The following RASGRF1 variants were observed in gnomAD, a reference collection of about 807,000 sequenced individuals.
The protein encoded by RASGRF1 is Ras protein specific guanine nucleotide releasing factor 1.
Under a neutral mutation model 138.7 loss-of-function variants are expected in RASGRF1, and 40 were observed. The ratio of observed to expected loss-of-function variants is 0.29; its 90% CI spans 0.22 to 0.38. The LOEUF (loss-of-function observed/expected upper bound fraction) is 0.38, where lower values mean the gene tolerates loss of function less well. Ranked by LOEUF, RASGRF1 falls within the 10% of genes least tolerant of loss-of-function variation. The probability of loss-of-function intolerance (pLI) is 1.00; values close to 1 mark genes in which losing one functional copy is unlikely to be tolerated. For missense variants in RASGRF1, 1,108 were observed against 1,650.4 expected, an observed-to-expected ratio of 0.67 and a Z score of 5.69; for synonymous variants, 614 against 663.2, an observed-to-expected ratio of 0.93 and a Z score of 1.14.
intron 24 of RASGRF1, chr15:78,978,845 A>G (rs376641838): frequency 4.2e-6 from 5 of 1,186,022 alleles, no homozygotes; most frequent in Non-Finnish European, 4.3e-6. Flanking sequence ...CCTGGTTTGC[A>G]TAAAGCTCTT....
chr15:78,990,005 T>C (rs558859293), intron 22 of RASGRF1, 184 bp downstream of exon 22: 360 of 619,838 alleles, frequency 5.8e-4, no homozygotes, highest in Non-Finnish European at 8.9e-4. Context: ...CCCCACTTAA[T>C]AGGAGAAGAG....
At chr15:79,042,683 T>C (rs1343243025) in intron 5 of RASGRF1, among the ~76,000 whole-genome samples, 9 of 152,228 alleles carry the variant, frequency 5.9e-5, no homozygotes, top group Admixed American at 5.9e-4. Flanking sequence ...CTCTGTGTGC[T>C]ATTGAGCATT....
chr15:78,987,252 T>C (rs569184738), intron 22 of RASGRF1, among the ~76,000 whole-genome samples: 1 of 152,272 alleles, frequency 6.6e-6, no homozygotes, highest in African/African-American at 2.4e-5. Flanking sequence ...ACCATCTCTA[T>C]GGATGCAGAA....
At position 78,973,160 on chromosome 15, in the gene RASGRF1, T is replaced by C. The variant is rs2055803647; in HGVS notation, c.3612+143A>G. The C allele has an allele frequency of 1.2e-5, 8 of 656,254 alleles. No homozygotes were observed. Among genetic ancestry groups the C allele is most frequent in the East Asian group, 2.6e-5 (1 of 37,788 alleles). 40.7% of individuals were successfully genotyped at this position (656,254 alleles called of 1,614,324 possible). ...TCATCAATGATAGTGATGGCTGTCA[T>C]TGGGGAAGCTGGACCCAGGCTCCCA... On this transcript the variant is annotated intron_variant, in intron 25 of 26. Coordinates refer to ENST00000558480, the MANE Select transcript of RASGRF1 (RefSeq NM_001145648.3). The surrounding 1 kb of genome is among the most constrained non-coding windows in gnomAD (Gnocchi z 4.9).
intron 13 of RASGRF1, among the ~76,000 whole-genome samples, chr15:79,007,545 GT>G (rs5813951): frequency 0.28 from 30,104 of 108,350 alleles, 3,921 homozygotes; most frequent in African/African-American, 0.4. Flanking sequence ...GCCGTATCTA[GT>G]TTTTTTTTTT....
intron 12 of RASGRF1, among the ~76,000 whole-genome samples, chr15:79,015,658 G>C (rs2056868306): frequency 6.6e-6 from 1 of 152,246 alleles, no homozygotes; most frequent in South Asian, 2.1e-4. Flanking sequence ...TATATGCAAA[G>C]TGGGGATAAT....
intron 3 of RASGRF1, among the ~76,000 whole-genome samples, chr15:79,053,439 C>T (rs1445355898): frequency 6.6e-6 from 1 of 152,180 alleles, no homozygotes; most frequent in Non-Finnish European, 1.5e-5. Flanking sequence ...CTTAGCTCTC[C>T]AAATTTACTT....
intron 10 of RASGRF1, among the ~76,000 whole-genome samples, chr15:79,023,228 G>T (rs921284581): frequency 6.6e-6 from 1 of 151,796 alleles, no homozygotes; most frequent in Non-Finnish European, 1.5e-5. Flanking sequence ...GTGTGTTCAG[G>T]CTTCCAAGGT....
At position 78,962,142 on chromosome 15, in the gene RASGRF1, C is replaced by T. The variant is rs1282038899; in HGVS notation, c.*2G>A. Reference sequence around the variant, plus strand: ...GCAGCTGGGTCTGGGCTGGGCTCAGCTTCAGGTGGGGAGTTTTGGTTCTAT... The same window carrying T: ...GCAGCTGGGTCTGGGCTGGGCTCAGTTTCAGGTGGGGAGTTTTGGTTCTAT... On this transcript the variant is annotated 3_prime_UTR_variant, in exon 27 of 27. Coordinates refer to ENST00000558480, the MANE Select transcript of RASGRF1 (RefSeq NM_001145648.3). 6.4e-7 allele frequency: 1 copy of T among 1,551,156 alleles called. No individual in the cohort carries two copies. Among genetic ancestry groups the T allele is most frequent in the South Asian group, 1.2e-5 (1 of 86,586 alleles).
intron 12 of RASGRF1, among the ~76,000 whole-genome samples, chr15:79,017,520 G>C (rs1419598935): frequency 6.6e-6 from 1 of 152,194 alleles, no homozygotes; most frequent in Non-Finnish European, 1.5e-5. Flanking sequence ...AAATCACCTT[G>C]CTAGGTGATA....
At chr15:78,975,216 C>A (rs2055847447) in intron 24 of RASGRF1, among the ~76,000 whole-genome samples, 1 of 152,036 alleles carries the variant, frequency 6.6e-6, no homozygotes, top group Non-Finnish European at 1.5e-5. Flanking sequence ...CATAGTGAGA[C>A]CCCATCTCTA....
At chr15:79,035,333 T>C in intron 5 of RASGRF1, 123 bp from the exon 6 acceptor site, 1 of 724,484 alleles carries the variant, frequency 1.4e-6, no homozygotes, top group Non-Finnish European at 2.3e-6. Flanking sequence ...GACCTTAACG[T>C]GAAAACTGCA....
intron 1 of RASGRF1, among the ~76,000 whole-genome samples, chr15:79,087,990 G>A (rs1566975413): frequency 6.6e-6 from 1 of 152,212 alleles, no homozygotes; most frequent in African/African-American, 2.4e-5. Flanking sequence ...TGGGGAAACA[G>A]CTCTGAACAT....
intron 6 of RASGRF1, among the ~76,000 whole-genome samples, chr15:79,033,505 C>A (rs565765577): frequency 1.3e-5 from 2 of 152,136 alleles, no homozygotes; most frequent in South Asian, 4.2e-4. Flanking sequence ...CCTACCCTGG[C>A]CTCCCAAAGT....
chr15:79,074,277 T>C (rs1269277587), intron 1 of RASGRF1, among the ~76,000 whole-genome samples: 1 of 152,250 alleles, frequency 6.6e-6, no homozygotes, highest in Non-Finnish European at 1.5e-5. Flanking sequence ...GATAAGCCCA[T>C]GGCTCCTTCT....
At chr15:78,976,381 C>T (rs574272555) in intron 24 of RASGRF1, among the ~76,000 whole-genome samples, 1 of 152,230 alleles carries the variant, frequency 6.6e-6, no homozygotes, top group Non-Finnish European at 1.5e-5. Context: ...CTAACGATAG[C>T]TAATAAGCTG....
intron 3 of RASGRF1, 33 bp from the exon 4 acceptor site, chr15:79,049,621 G>T (rs566615169): frequency 1.3e-6 from 2 of 1,584,334 alleles, no homozygotes; most frequent in South Asian, 2.3e-5. Context: ...CCTGTGAGGG[G>T]CGCTGGCTCA....
At chr15:79,045,999 A>G (rs1388636380) in intron 5 of RASGRF1, among the ~76,000 whole-genome samples, 1 of 152,214 alleles carries the variant, frequency 6.6e-6, no homozygotes, top group Non-Finnish European at 1.5e-5. Flanking sequence ...TAGTTTATAC[A>G]ATTTTATCAC....
chr15:78,981,001 A>C, intron 23 of RASGRF1: 1 of 263,348 alleles, frequency 3.8e-6, no homozygotes, highest in Middle Eastern at 1.1e-3. Flanking sequence ...GGCAGTTTAG[A>C]AGGACTTAGT....
Sources: gnomAD v4.1 joint callset for allele counts (sites outside exome capture counted in the v4.1 genomes callset) on GRCh38, gnomAD v4.1.1 for gene constraint, Gnocchi (gnomAD v3.1) non-coding constraint, MANE v1.5 for transcripts, NCBI Gene and HGNC (gene_info 2026-07-23, HGNC 2026-07-21) for gene names.